The following LDLRAD4 variants were observed in gnomAD, a reference collection of about 807,000 sequenced individuals.
The protein encoded by LDLRAD4 is low density lipoprotein receptor class A domain containing 4.
In LDLRAD4, 5 loss-of-function variants were observed where a neutral mutation model predicts 17.0. The observed-to-expected ratio is 0.29, with a 90% CI of 0.15 to 0.62. LDLRAD4 has a LOEUF of 0.62. Ranked by LOEUF, LDLRAD4 falls within the 20% of genes least tolerant of loss-of-function variation. The pLI is 0.84. For synonymous variants in LDLRAD4, 168 were observed against 171.8 expected (o/e 0.98, Z 0.17); for missense variants, 340 against 424.7 (o/e 0.80, Z 1.75).
Position 13,280,901 on chromosome 18 carries a change from A to C in LDLRAD4, c.-383+2713A>C, listed in dbSNP as rs1352025566. Among the ~76,000 whole-genome samples, 5 of 152,368 alleles carry C rather than the reference A, an allele frequency of 3.3e-5. No individual in the cohort carries two copies. In the East Asian group the frequency reaches 9.6e-4, roughly 29 times the overall value. On this transcript the variant is annotated intron_variant, in intron 1 of 5. Coordinates refer to ENST00000359446, the Ensembl canonical transcript of LDLRAD4. ...AAATAACCTTAGACCCAGGCAATGC[A>C]TCCCGACCTGAACTTCTATCTTTGC...
intron 2 of LDLRAD4, among the ~76,000 whole-genome samples, chr18:13,392,629 C>T (rs2086363720): frequency 3.3e-5 from 5 of 152,124 alleles, no homozygotes; most frequent in Admixed American, 2.6e-4. Context: ...TGGGTGTCAC[C>T]GTACACATCC....
At chr18:13,416,958 C>G (rs1235976180) in intron 2 of LDLRAD4, among the ~76,000 whole-genome samples, 1 of 152,122 alleles carries the variant, frequency 6.6e-6, no homozygotes, top group Non-Finnish European at 1.5e-5. Flanking sequence ...TTTCTGTCTC[C>G]TTTTTATAGC....
At chr18:13,383,808 G>A (rs1299206126) in intron 1 of LDLRAD4, among the ~76,000 whole-genome samples, 1 of 152,130 alleles carries the variant, frequency 6.6e-6, no homozygotes, top group Non-Finnish European at 1.5e-5. Context: ...GGCCCCTTCT[G>A]GGTGGTCACA....
chr18:13,423,003 C>A (rs2089625882), intron 2 of LDLRAD4, among the ~76,000 whole-genome samples: 1 of 152,180 alleles, frequency 6.6e-6, no homozygotes, highest in Non-Finnish European at 1.5e-5. Context: ...TCCTGGCAGT[C>A]CTCTCAGGCT....
chr18:13,390,539 T>G (rs1415107983), intron 2 of LDLRAD4, among the ~76,000 whole-genome samples: 1 of 152,166 alleles, frequency 6.6e-6, no homozygotes, highest in African/African-American at 2.4e-5. Context: ...ATCAGGACTC[T>G]CATCCTCACA....
intron 3 of LDLRAD4, among the ~76,000 whole-genome samples, chr18:13,580,650 C>T (rs1457629339): frequency 6.6e-6 from 1 of 152,166 alleles, no homozygotes; most frequent in Non-Finnish European, 1.5e-5. Flanking sequence ...TCCTGGTCCC[C>T]AGACTTCTCG....
intron 1 of LDLRAD4, among the ~76,000 whole-genome samples, chr18:13,311,313 C>T (rs2047217776): frequency 6.6e-6 from 1 of 152,260 alleles, no homozygotes; most frequent in Non-Finnish European, 1.5e-5. Context: ...AGAGCCCACT[C>T]AGGCCTCCTG....
chr18:13,287,149 C>A (rs939738732), intron 1 of LDLRAD4, among the ~76,000 whole-genome samples: 3 of 152,202 alleles, frequency 2.0e-5, no homozygotes, highest in Non-Finnish European at 4.4e-5. Context: ...ACAATCCCCA[C>A]CAGGACGTAG....
intron 1 of LDLRAD4, among the ~76,000 whole-genome samples, chr18:13,271,893 C>T (rs200263069): frequency 8.9e-5 from 7 of 79,026 alleles, no homozygotes; most frequent in African/African-American, 1.6e-4. Context: ...CTGTTCAGTG[C>T]TTTTTTTTTT....
chr18:13,622,387 T>C lies in LDLRAD4; in HGVS notation c.336+1116T>C, dbSNP rs1692313654. ...GCTACCGAGTGCTATCTTCAGACCA[T>C]GGTGAGGGCTAGACGGGGCAGCCTC... On this transcript the variant is annotated intron_variant, in intron 4 of 5. Coordinates refer to ENST00000359446, the Ensembl canonical transcript of LDLRAD4. This position sits in a 1 kb window ranked among gnomAD's most constrained non-coding sequence, Gnocchi z 5.3. Among the ~76,000 whole-genome samples the C allele has an allele frequency of 1.3e-5, 2 of 152,126 alleles. No homozygotes were observed. Among genetic ancestry groups the C allele is most frequent in the Admixed American group, 1.3e-4 (2 of 15,284 alleles).
At chr18:13,635,663 C>G (rs2042013192) in intron 4 of LDLRAD4, among the ~76,000 whole-genome samples, 1 of 152,196 alleles carries the variant, frequency 6.6e-6, no homozygotes, top group South Asian at 2.1e-4. Context: ...AAACAGATTG[C>G]TCAAGTGTAA....
At chr18:13,366,095 A>G (rs2084036776) in intron 1 of LDLRAD4, 1 of 152,004 alleles carries the variant, frequency 6.6e-6, no homozygotes, top group Non-Finnish European at 1.5e-5. Context: ...TTTTAAAGAG[A>G]CAGGGTCTCA....
At chr18:13,292,925 T>A (rs1286025846) in intron 1 of LDLRAD4, among the ~76,000 whole-genome samples, 1 of 152,206 alleles carries the variant, frequency 6.6e-6, no homozygotes, top group Non-Finnish European at 1.5e-5. Flanking sequence ...AATGAGACGA[T>A]GACGGAGGCC....
intron 1 of LDLRAD4, among the ~76,000 whole-genome samples, chr18:13,282,657 C>T (rs897274460): frequency 2.0e-5 from 3 of 152,220 alleles, no homozygotes; most frequent in Non-Finnish European, 2.9e-5. Context: ...AGCCTTCCTC[C>T]TGGCTGCTTG....
chr18:13,282,045 C>T (rs1053396900), intron 1 of LDLRAD4, among the ~76,000 whole-genome samples: 2 of 152,242 alleles, frequency 1.3e-5, no homozygotes, highest in African/African-American at 2.4e-5. Flanking sequence ...GAAGCAAAAG[C>T]GGAAACCCTT....
chr18:13,254,055 T>TGGAGG (rs1438019037), intron 1 of LDLRAD4, among the ~76,000 whole-genome samples: 4 of 152,164 alleles, frequency 2.6e-5, no homozygotes, highest in African/African-American at 9.7e-5. Flanking sequence ...GAGATAGTGC[T>TGGAGG]GGAGGGGAGG....
At chr18:13,631,657 G>C (rs1447217027) in intron 4 of LDLRAD4, among the ~76,000 whole-genome samples, 1 of 152,188 alleles carries the variant, frequency 6.6e-6, no homozygotes, top group Non-Finnish European at 1.5e-5. Flanking sequence ...GCTGCGCACA[G>C]TGACTCACAC....
intron 3 of LDLRAD4, among the ~76,000 whole-genome samples, chr18:13,499,396 T>C (rs2093568952): frequency 7.3e-6 from 1 of 136,226 alleles, no homozygotes; most frequent in Non-Finnish European, 1.5e-5. Flanking sequence ...GCCACACACT[T>C]CCCACCATGG....
At chr18:13,403,469 CTT>C in intron 2 of LDLRAD4, among the ~76,000 whole-genome samples, 1 of 152,322 alleles carries the variant, frequency 6.6e-6, no homozygotes, top group East Asian at 1.9e-4. Flanking sequence ...GCAAAACTCT[CTT>C]TGCTTTCAGA....
Sources: allele counts gnomAD v4.1 joint callset (sites outside exome capture counted in the v4.1 genomes callset), GRCh38; gene constraint gnomAD v4.1.1; non-coding constraint Gnocchi (gnomAD v3.1); transcripts MANE v1.5; gene names NCBI Gene and HGNC (gene_info 2026-07-23, HGNC 2026-07-21).